Variants in GABRG3 observed in about 807,000 individuals in gnomAD.
GABRG3 encodes gamma-aminobutyric acid type A receptor subunit gamma3.
A neutral mutation model predicts 48.8 loss-of-function variants in GABRG3; 25 were observed. The ratio of observed to expected loss-of-function variants is 0.51; its 90% CI spans 0.37 to 0.72. The LOEUF (loss-of-function observed/expected upper bound fraction) is 0.72, where lower values mean the gene tolerates loss of function less well. Ranked by LOEUF, GABRG3 falls within the 30% of genes least tolerant of loss-of-function variation. The pLI, the probability that GABRG3 is intolerant of heterozygous loss-of-function variation, is 0.00. For missense variants in GABRG3, 394 were observed against 577.9 expected (o/e 0.68, Z 3.26); for synonymous variants, 227 against 217.6 (o/e 1.04, Z -0.38).
intron 3 of GABRG3, among the ~76,000 whole-genome samples, chr15:27,270,273 G>C (rs1048571556): frequency 6.6e-6 from 1 of 152,156 alleles, no homozygotes; most frequent in East Asian, 1.9e-4. Flanking sequence ...TGAAGAGGAG[G>C]TGTGTAGATG....
chr15:26,979,962 C>G (rs545313262), intron 2 of GABRG3, among the ~76,000 whole-genome samples: 34 of 152,246 alleles, frequency 2.2e-4, no homozygotes, highest in African/African-American at 7.7e-4. Context: ...GTGATACCCT[C>G]TGGGCCAGGA....
intron 5 of GABRG3, among the ~76,000 whole-genome samples, chr15:27,461,526 AC>A (rs1889446650): frequency 6.6e-6 from 1 of 152,218 alleles, no homozygotes; most frequent in African/African-American, 2.4e-5. Flanking sequence ...AAGAGAAACA[AC>A]AAAGCTTACA....
At chr15:27,314,703 T>G (rs1261169499) in intron 3 of GABRG3, among the ~76,000 whole-genome samples, 3 of 152,180 alleles carry the variant, frequency 2.0e-5, no homozygotes, top group African/African-American at 7.2e-5. Context: ...GTATATACAT[T>G]CAGTGGAATT....
chr15:27,425,370 C>T lies in GABRG3; in HGVS notation c.575-55280C>T, dbSNP rs191317741. The stretch of plus-strand genomic sequence containing the variant: ...GAAGTGATGGTGGCCACTGGGAGGC[C>T]GAGGCAGGCGGATCACGAGGTCAGG... On this transcript the variant is annotated intron_variant, in intron 5 of 9. Transcript: ENST00000615808. 2.9e-3 allele frequency among the ~76,000 whole-genome samples: 429 copies of T among 149,860 alleles called. 1 individual carries two copies. Among genetic ancestry groups the T allele is most frequent in the African/African-American group, 9.7e-3 (394 of 40,584 alleles).
intron 3 of GABRG3, among the ~76,000 whole-genome samples, chr15:27,203,267 G>C (rs1197175400): frequency 6.6e-6 from 1 of 152,104 alleles, no homozygotes; most frequent in Non-Finnish European, 1.5e-5. Context: ...TCGATGTTTA[G>C]CTCCCACTTA....
intron 5 of GABRG3, among the ~76,000 whole-genome samples, chr15:27,379,210 A>G (rs1895691047): frequency 6.6e-6 from 1 of 152,142 alleles, no homozygotes; most frequent in East Asian, 1.9e-4. Flanking sequence ...CCTTCAGCAT[A>G]TCAATTATTC....
At position 27,179,353 on chromosome 15, in the gene GABRG3, A is replaced by C. The variant is rs927397106; in HGVS notation, c.271-147456A>C. ...TATCATATGTGTCCGTGAGAATAGC[A>C]CATTAGCCACATTCAAAATAAGGTA... is the stretch of plus-strand genomic sequence containing the variant. On this transcript the variant is annotated intron_variant, in intron 3 of 9. Transcript: ENST00000615808. This position sits in a 1 kb window ranked among gnomAD's most constrained non-coding sequence, Gnocchi z 4.0. 3.3e-5 allele frequency among the ~76,000 whole-genome samples: 5 copies of C among 152,182 alleles called. No individual in the cohort carries two copies. The highest frequency in any genetic ancestry group is 1.2e-4 in the African/African-American group (5 of 41,452).
intron 5 of GABRG3, among the ~76,000 whole-genome samples, chr15:27,431,037 AAATC>A (rs1555381414): frequency 3.9e-4 from 58 of 147,518 alleles, no homozygotes; most frequent in East Asian, 3.6e-3. Flanking sequence ...ATAAATAAAT[AAATC>A]AGTAGTATAA....
chr15:27,362,018 C>G (rs1489029778), intron 5 of GABRG3, among the ~76,000 whole-genome samples: 2 of 152,204 alleles, frequency 1.3e-5, no homozygotes, highest in African/African-American at 4.8e-5. Flanking sequence ...TGCCCACACA[C>G]GCTCATGATG....
intron 3 of GABRG3, among the ~76,000 whole-genome samples, chr15:27,057,305 A>G (rs928654669): frequency 6.6e-6 from 1 of 152,214 alleles, no homozygotes; most frequent in Non-Finnish European, 1.5e-5. Flanking sequence ...GTCACAGAAC[A>G]TAATTTTTAT....
intron 3 of GABRG3, among the ~76,000 whole-genome samples, chr15:27,095,616 T>A (rs1363923170): frequency 6.6e-6 from 1 of 152,202 alleles, no homozygotes; most frequent in Non-Finnish European, 1.5e-5. Flanking sequence ...CTCATCACTT[T>A]CTAGCAGAGA....
chr15:27,216,740 T>TTTTTAA (rs1484399830), intron 3 of GABRG3, among the ~76,000 whole-genome samples: 1 of 127,184 alleles, frequency 7.9e-6, no homozygotes, highest in Admixed American at 8.1e-5. Flanking sequence ...TTTCTTTTTT[T>TTTTTAA]TTTTTTATTT....
chr15:27,384,088 G>A (rs1300425362), intron 5 of GABRG3, among the ~76,000 whole-genome samples: 1 of 152,160 alleles, frequency 6.6e-6, no homozygotes, highest in Non-Finnish European at 1.5e-5. Flanking sequence ...CAACAAATGG[G>A]AAGTGTTTAA....
chr15:27,246,468 G>T (rs565368793), intron 3 of GABRG3, among the ~76,000 whole-genome samples: 10 of 152,076 alleles, frequency 6.6e-5, no homozygotes, highest in Non-Finnish European at 1.5e-4. Context: ...GTATAAGGTG[G>T]TTTTCATTCT....
chr15:27,178,861 C>CAGAT (rs1887830813), intron 3 of GABRG3, among the ~76,000 whole-genome samples: 1 of 152,122 alleles, frequency 6.6e-6, no homozygotes, highest in African/African-American at 2.4e-5. Context: ...CAAAGTAGGG[C>CAGAT]AGATAATGTC....
intron 2 of GABRG3, among the ~76,000 whole-genome samples, chr15:26,994,666 T>C (rs1302407159): frequency 2.0e-5 from 3 of 152,070 alleles, no homozygotes; most frequent in Non-Finnish European, 4.4e-5. Context: ...TTTTTCTGGG[T>C]GCTTGCTATT....
chr15:27,500,755 G>A (rs1410252386), intron 6 of GABRG3, among the ~76,000 whole-genome samples: 1 of 151,858 alleles, frequency 6.6e-6, no homozygotes, highest in African/African-American at 2.4e-5. Context: ...GCAGTGTTCA[G>A]TACCACAGTC....
At chr15:27,403,690 G>A (rs147715322) in intron 5 of GABRG3, among the ~76,000 whole-genome samples, 7,078 of 151,938 alleles carry the variant, frequency 0.047, 282 homozygotes, top group South Asian at 0.18. Flanking sequence ...CGAGGTGGGC[G>A]GATCACGAGG....
At position 26,976,666 on chromosome 15, in the gene GABRG3, C is replaced by T. The variant is rs546992000; in HGVS notation, c.54-336C>T. On this transcript the variant is annotated intron_variant, in intron 1 of 9. Coordinates refer to ENST00000615808, the MANE Select transcript of GABRG3 (RefSeq NM_033223.5). The surrounding 1 kb of genome is among the most constrained non-coding windows in gnomAD (Gnocchi z 7.8). ...AGGTTTGTGCCTTGACCTTCACAGG[C>T]TATCGGGGTGGATCCAAGGGTGTGT... is the stretch of plus-strand genomic sequence containing the variant. Among the ~76,000 whole-genome samples the T allele has an allele frequency of 3.9e-5, 6 of 152,282 alleles. No individual in the cohort carries two copies. The highest frequency in any genetic ancestry group is 1.2e-4 in the African/African-American group (5 of 41,560).
Sources: allele counts gnomAD v4.1 joint callset (sites outside exome capture counted in the v4.1 genomes callset), GRCh38; gene constraint gnomAD v4.1.1; non-coding constraint Gnocchi (gnomAD v3.1); transcripts MANE v1.5; gene names NCBI Gene and HGNC (gene_info 2026-07-23, HGNC 2026-07-21).